The following EN2 variants were observed in gnomAD, a reference collection of about 807,000 sequenced individuals.
EN2 encodes the protein homeobox protein engrailed-2.
EN2 carries 7 observed loss-of-function variants against 25.0 expected under a neutral mutation model. The observed-to-expected ratio is 0.28, with a 90% confidence interval of 0.16 to 0.53. The LOEUF is 0.53. EN2 is among the 20% of genes least tolerant of loss of function. EN2 has a pLI of 0.96. For missense variants in EN2, 524 were observed against 501.8 expected (o/e 1.04, Z -0.42); for synonymous variants, 277 against 243.3 (o/e 1.14, Z -1.29).
rs2116605690 is a variant in EN2 at position 155,463,745 on chromosome 7, G to A, written c.*1058G>A. ...TTTGGCTTGGCCCCAGGAATTTCCT[G>A]TGACTCCACCAGCCATCATGGGTGC... On this transcript the variant is annotated 3_prime_UTR_variant, in exon 2 of 2. Coordinates refer to ENST00000297375, the MANE Select transcript of EN2 (RefSeq NM_001427.4). 6.6e-6 allele frequency: 1 copy of A among 152,370 alleles called. No homozygotes were observed. The allele number at this position is 152,370 out of a possible 1,614,324, so 9.4% of individuals were successfully genotyped here. A position where few individuals can be genotyped will look rare whatever the true frequency, so the allele number is the denominator to read the frequency against.
chr7:155,458,488 G>T lies in EN2; in HGVS notation c.111G>T (p.Pro37=). The part of the protein sequence containing the change: ...GGSGGGGGSS[P]GEADTGRRRA... ...CGGGCGGCGGCGGCGGTAGCAGCCC[G>T]GGCGAAGCGGACACCGGGCGCCGGC... is the stretch of plus-strand genomic sequence containing the variant. Residue 37 remains proline (P), a synonymous_variant, in exon 1 of 2, where the codon CCG becomes CCT. Transcript: ENST00000297375. 7.7e-7 allele frequency: 1 copy of T among 1,302,398 alleles called. No homozygotes were observed. 80.7% of individuals were successfully genotyped at this position (1,302,398 alleles called of 1,614,324 possible).
chr7:155,458,866 G>A lies in EN2; in HGVS notation c.489G>A (p.Leu163=). 1 of 1,494,556 alleles carries A rather than the reference G, an allele frequency of 6.7e-7. No individual in the cohort carries two copies. 92.6% of individuals were successfully genotyped at this position (1,494,556 alleles called of 1,614,324 possible). Residue 163 remains leucine, a synonymous_variant, in exon 1 of 2, where the codon CTG becomes CTA. Transcript: ENST00000297375. The stretch of plus-strand genomic sequence containing the variant: ...AAGGCGGCTCCAAGACGCTCTCGCT[G>A]CACGGTGGCGCCAAGAAAGGCGGCG... ...DGEGGSKTLS[L]HGGAKKGGDP... is the part of the protein sequence containing the mutation.
At chr7:155,459,980 G>A (rs1795676340) in intron 1 of EN2, among the ~76,000 whole-genome samples, 1 of 152,218 alleles carries the variant, frequency 6.6e-6, no homozygotes, top group Non-Finnish European at 1.5e-5. Context: ...GCTGGGAACC[G>A]CCATTAGAAG....
In EN2 at chr7:155,462,764, A is replaced by T; in HGVS notation, c.*77A>T. 1 of 1,425,750 alleles carries T rather than the reference A, an allele frequency of 7.0e-7. No homozygotes were observed. The highest frequency in any genetic ancestry group is 9.4e-7 in the Non-Finnish European group (1 of 1,065,762). 88.3% of individuals were successfully genotyped at this position (1,425,750 alleles called of 1,614,324 possible). ...TTAAAATCATAAAGGGCCAGTGTAT[A>T]AAGATTATACCAGCATTAATAGTGA... On this transcript the variant is annotated 3_prime_UTR_variant, in exon 2 of 2. Transcript: ENST00000297375.
rs1469669366 is a variant in EN2, at chr7:155,462,830, A to G, written c.*143A>G. ...GCTAAGGTTCTGAAATATTCTATGT[A>G]TATATCATTTACAGGTGGTATAAAA... is the stretch of plus-strand genomic sequence containing the variant. On this transcript the variant is annotated 3_prime_UTR_variant, in exon 2 of 2. Coordinates refer to ENST00000297375, the MANE Select transcript of EN2 (RefSeq NM_001427.4). 2.9e-6 allele frequency: 3 copies of G among 1,038,294 alleles called. No individual in the cohort carries two copies. The highest frequency in any genetic ancestry group is 3.9e-6 in the Non-Finnish European group (3 of 759,744). 64.3% of individuals were successfully genotyped at this position (1,038,294 alleles called of 1,614,324 possible). A position where few individuals can be genotyped will look rare whatever the true frequency, so the allele number is the denominator to read the frequency against.
At position 155,458,865 on chromosome 7, in the gene EN2, T is replaced by C; in HGVS notation, c.488T>C (p.Leu163Pro). ...DGEGGSKTLSLHGGAKKGGDP... is the reference protein window; with the variant it reads ...DGEGGSKTLSPHGGAKKGGDP... ...GAAGGCGGCTCCAAGACGCTCTCGC[T>C]GCACGGTGGCGCCAAGAAAGGCGGC... Residue 163 changes from leucine to proline, a missense_variant, in exon 1 of 2, where the codon CTG (leucine) becomes CCG (proline). Leu to Pro is a moderately conservative substitution (Grantham distance 98). Transcript: ENST00000297375. 1 of 1,494,372 alleles carries C rather than the reference T, an allele frequency of 6.7e-7. No homozygotes were observed. The highest frequency in any genetic ancestry group is 8.8e-7 in the Non-Finnish European group (1 of 1,130,182). The allele number at this position is 1,494,372 out of a possible 1,614,324, so 92.6% of individuals were successfully genotyped here.
intron 1 of EN2, among the ~76,000 whole-genome samples, chr7:155,460,315 C>T (rs561854215): frequency 1.3e-5 from 2 of 152,274 alleles, no homozygotes; most frequent in South Asian, 4.1e-4. Flanking sequence ...GGCAGCACCG[C>T]CCGGCCCGGC....
Position 155,458,813 on chromosome 7 carries a change from G to A in EN2, c.436G>A (p.Ala146Thr). ...APGAGGPLPA[A>T]GSDSPGDGEG... ...CGGCGCGGGCGGGCCGCTCCCAGCC[G>A]CCGGCAGCGACTCTCCGGGTGACGG... The change falls in exon 1 of 2, where the codon GCC becomes ACC. Residue 146 changes from alanine (A) to threonine (T), a missense_variant. Ala to Thr is a moderately conservative substitution (Grantham distance 58). Transcript: ENST00000297375. 1.4e-6 allele frequency: 2 copies of A among 1,412,496 alleles called. No individual in the cohort carries two copies. Among genetic ancestry groups the A allele is most frequent in the East Asian group, 3.0e-5 (1 of 33,398 alleles). The allele number at this position is 1,412,496 out of a possible 1,614,324, so 87.5% of individuals were successfully genotyped here.
chr7:155,458,506 G>C lies in EN2; in HGVS notation c.129G>C (p.Gly43=). The part of the protein sequence containing the change: ...GGSSPGEADT[G]RRRALMLPAV... ...GCAGCCCGGGCGAAGCGGACACCGG[G>C]CGCCGGCGGGCTCTGATGCTGCCCG... Residue 43 remains glycine, a synonymous_variant, in exon 1 of 2, where the codon GGG becomes GGC. Transcript: ENST00000297375. 7.5e-7 allele frequency: 1 copy of C among 1,324,742 alleles called. No homozygotes were observed. The highest frequency in any genetic ancestry group is 9.7e-7 in the Non-Finnish European group (1 of 1,035,984). The allele number at this position is 1,324,742 out of a possible 1,614,324, so 82.1% of individuals were successfully genotyped here.
chr7:155,458,532 C>T lies in EN2; in HGVS notation c.155C>T (p.Ala52Val). The T allele has an allele frequency of 7.3e-7, 1 of 1,376,192 alleles. No homozygotes were observed. The highest frequency in any genetic ancestry group is 9.4e-7 in the Non-Finnish European group (1 of 1,061,390). The allele number at this position is 1,376,192 out of a possible 1,614,324, so 85.2% of individuals were successfully genotyped here. ...CGCCGGCGGGCTCTGATGCTGCCCG[C>T]GGTCCTGCAGGCGCCCGGCAACCAC... Reference protein sequence around the residue: ...TGRRRALMLPAVLQAPGNHQH... With the variant: ...TGRRRALMLPVVLQAPGNHQH... Residue 52 changes from alanine to valine, a missense_variant, in exon 1 of 2, where the codon GCG (alanine) becomes GTG (valine). Ala to Val is a moderately conservative substitution (Grantham distance 64). Transcript: ENST00000297375.
At chr7:155,460,852 C>T (rs936703004) in intron 1 of EN2, among the ~76,000 whole-genome samples, 2 of 152,168 alleles carry the variant, frequency 1.3e-5, no homozygotes, top group East Asian at 1.9e-4. Flanking sequence ...GGTGGGTGCC[C>T]AAGTATAGGG....
intron 1 of EN2, among the ~76,000 whole-genome samples, chr7:155,460,322 C>T (rs1585268252): frequency 6.6e-6 from 1 of 152,144 alleles, no homozygotes; most frequent in East Asian, 1.9e-4. Context: ...CCGCCCGGCC[C>T]GGCCTGGCCC....
At chr7:155,461,441 G>C (rs775549124) in intron 1 of EN2, among the ~76,000 whole-genome samples, 1 of 152,134 alleles carries the variant, frequency 6.6e-6, no homozygotes, top group Non-Finnish European at 1.5e-5. Flanking sequence ...AAGCCTTACA[G>C]CGACCCTGTC....
At position 155,458,491 on chromosome 7, in the gene EN2, C is replaced by G. The variant is rs566174464; in HGVS notation, c.114C>G (p.Gly38=). The G allele has an allele frequency of 3.3e-4, 429 of 1,307,030 alleles. 2 individuals are homozygous for G. In the African/African-American group the frequency reaches 6.1e-3, roughly 19 times the overall value. The allele number at this position is 1,307,030 out of a possible 1,614,324, so 81.0% of individuals were successfully genotyped here. A position where few individuals can be genotyped will look rare whatever the true frequency, so the allele number is the denominator to read the frequency against. ...GCGGCGGCGGCGGTAGCAGCCCGGG[C>G]GAAGCGGACACCGGGCGCCGGCGGG... is the stretch of plus-strand genomic sequence containing the variant. The part of the protein sequence containing the change: ...GSGGGGGSSP[G]EADTGRRRAL... The change falls in exon 1 of 2, where the codon GGC becomes GGG. Residue 38 remains glycine (G), a synonymous_variant. Transcript: ENST00000297375.
Position 155,458,196 on chromosome 7 carries a change from G to T in EN2, c.-182G>T, listed in dbSNP as rs941931382. 1.4e-6 allele frequency: 1 copy of T among 734,298 alleles called. No homozygotes were observed. Among genetic ancestry groups the T allele is most frequent in the Non-Finnish European group, 1.9e-6 (1 of 526,300 alleles). The allele number at this position is 734,298 out of a possible 1,614,324, so 45.5% of individuals were successfully genotyped here. ...AACCCAGTTCGTGGATTCAAAGGTG[G>T]CTCCGCGCCGAGCGCGGCCGGCGAC... On this transcript the variant is annotated 5_prime_UTR_variant, in exon 1 of 2. Transcript: ENST00000297375.
At position 155,463,062 on chromosome 7, in the gene EN2, AT is replaced by A. The variant is rs1474974200; in HGVS notation, c.*381del. ...TAAAACAACTTGCTGAAGTCCAAAG[AT>A]TTTTTATTGCTGCATTTCACACAAC... On this transcript the variant is annotated 3_prime_UTR_variant, in exon 2 of 2. Coordinates refer to ENST00000297375, the MANE Select transcript of EN2 (RefSeq NM_001427.4). The A allele has an allele frequency of 5.9e-6, 1 of 168,156 alleles. No homozygotes were observed. The highest frequency in any genetic ancestry group is 1.3e-5 in the Non-Finnish European group (1 of 78,940). The allele number at this position is 168,156 out of a possible 1,614,324, so 10.4% of individuals were successfully genotyped here.
Position 155,458,372 on chromosome 7 carries a change from A to G in EN2, c.-6A>G, listed in dbSNP as rs1416625888. 3 of 1,302,278 alleles carry G rather than the reference A, an allele frequency of 2.3e-6. No homozygotes were observed. Among genetic ancestry groups the G allele is most frequent in the Non-Finnish European group, 2.9e-6 (3 of 1,021,102 alleles). The allele number at this position is 1,302,278 out of a possible 1,614,324, so 80.7% of individuals were successfully genotyped here. On this transcript the variant is annotated 5_prime_UTR_variant, in exon 1 of 2. Transcript: ENST00000297375. ...GAGAACCAGTGTGGGATTTACTGTG[A>G]ACAGCATGGAGGAGAATGACCCCAA...
At chr7:155,461,293 T>G (rs1748417989) in intron 1 of EN2, among the ~76,000 whole-genome samples, 1 of 152,250 alleles carries the variant, frequency 6.6e-6, no homozygotes, top group Admixed American at 6.5e-5. Context: ...CACCACTCCC[T>G]GCCAGTGGCC....
chr7:155,462,650 C>T lies in EN2; in HGVS notation c.965C>T (p.Ser322Phe), dbSNP rs759842570. 6 of 1,603,890 alleles carry T rather than the reference C, an allele frequency of 3.7e-6. No individual in the cohort carries two copies. Among genetic ancestry groups the T allele is most frequent in the Non-Finnish European group, 5.1e-6 (6 of 1,174,934 alleles). Reference sequence around the variant, plus strand: ...ATGGCACAGGGCTTGTACAACCACTCCACCACAGCCAAGGAGGGCAAGTCG... The same window carrying T: ...ATGGCACAGGGCTTGTACAACCACTTCACCACAGCCAAGGAGGGCAAGTCG... The part of the protein sequence containing the change: ...HLMAQGLYNH[S>F]TTAKEGKSDS... Residue 322 changes from serine to phenylalanine, a missense_variant, in exon 2 of 2, where the codon TCC becomes TTC. Transcript: ENST00000297375.
Sources: allele counts gnomAD v4.1 joint callset (sites outside exome capture counted in the v4.1 genomes callset), GRCh38; gene constraint gnomAD v4.1.1; transcripts MANE v1.5; gene names NCBI Gene and HGNC (gene_info 2026-07-23, HGNC 2026-07-21).